Variants in SH3BP5 observed in about 807,000 individuals in gnomAD.
SH3BP5 encodes SH3 domain-binding protein 5.
Under a neutral mutation model 43.3 loss-of-function variants are expected in SH3BP5, and 22 were observed. That is an observed-to-expected ratio of 0.51 (90% confidence interval 0.36 to 0.73). The LOEUF (loss-of-function observed/expected upper bound fraction) is 0.73, where lower values mean the gene tolerates loss of function less well. Ranked by LOEUF, SH3BP5 falls within the 30% of genes least tolerant of loss-of-function variation. The pLI is 0.00. For missense variants in SH3BP5, 529 were observed against 586.9 expected, an observed-to-expected ratio of 0.90 and a Z score of 1.02; for synonymous variants, 255 against 225.8, an observed-to-expected ratio of 1.13 and a Z score of -1.16.
intron 3 of SH3BP5, among the ~76,000 whole-genome samples, chr3:15,293,629 C>A (rs1199107516): frequency 6.6e-6 from 1 of 152,188 alleles, no homozygotes; most frequent in Admixed American, 6.5e-5. Flanking sequence ...GAGTGTCTTT[C>A]AGATTTGCAA....
Position 15,304,091 on chromosome 3 carries a change from G to A in SH3BP5, c.330+12C>T, listed in dbSNP as rs1190559277. On this transcript the variant is annotated intron_variant, in intron 3 of 8. Transcript: ENST00000383791. Reference sequence around the variant, plus strand: ...GCTCGAGGTAGGGGAGACATCTATGGGGCTATCTTACCTGCCTCGCCACCC... The same window carrying A: ...GCTCGAGGTAGGGGAGACATCTATGAGGCTATCTTACCTGCCTCGCCACCC... 1.9e-6 allele frequency: 3 copies of A among 1,611,292 alleles called. No homozygotes were observed. Among genetic ancestry groups the A allele is most frequent in the African/African-American group, 1.3e-5 (1 of 74,848 alleles).
At chr3:15,321,305 G>A (rs375370514) in intron 2 of SH3BP5, among the ~76,000 whole-genome samples, 3 of 152,070 alleles carry the variant, frequency 2.0e-5, no homozygotes, top group African/African-American at 7.2e-5. Flanking sequence ...CTTGGCTGTA[G>A]AAGATCCTAA....
intron 3 of SH3BP5, chr3:15,271,751 C>G (rs749692522): frequency 2.0e-5 from 3 of 152,140 alleles, no homozygotes; most frequent in Non-Finnish European, 4.4e-5. Flanking sequence ...CACAGGGAAA[C>G]TTACAATTAT....
At chr3:15,287,070 TCA>T (rs1697285510) in intron 3 of SH3BP5, among the ~76,000 whole-genome samples, 1 of 152,176 alleles carries the variant, frequency 6.6e-6, no homozygotes, top group Non-Finnish European at 1.5e-5. Flanking sequence ...TCTCTGTGCC[TCA>T]GTTACCTCAC....
In SH3BP5 at chr3:15,332,577, CGGA is replaced by C; in HGVS notation, c.-172_-170del. The C allele has an allele frequency of 8.2e-7, 1 of 1,221,082 alleles. No homozygotes were observed. Among genetic ancestry groups the C allele is most frequent in the East Asian group, 3.5e-5 (1 of 28,518 alleles). 75.6% of individuals were successfully genotyped at this position (1,221,082 alleles called of 1,614,324 possible). A position where few individuals can be genotyped will look rare whatever the true frequency, so the allele number is the denominator to read the frequency against. ...CCGATGCGGATACCTCCGGCCGCGG[CGGA>C]GCAGAGGAAATGGGCGCGGCCGCCC... is the stretch of plus-strand genomic sequence containing the variant. On this transcript the variant is annotated 5_prime_UTR_variant, in exon 1 of 9. Coordinates refer to ENST00000383791, the MANE Select transcript of SH3BP5 (RefSeq NM_004844.5).
intron 2 of SH3BP5, among the ~76,000 whole-genome samples, chr3:15,324,006 C>T (rs1175933542): frequency 6.6e-6 from 1 of 152,210 alleles, no homozygotes; most frequent in African/African-American, 2.4e-5. Context: ...GATGGCCAAA[C>T]TTCAAGTCAG....
chr3:15,259,928 C>A, intron 5 of SH3BP5, 125 bp from the exon 6 acceptor site: 1 of 824,352 alleles, frequency 1.2e-6, no homozygotes. Flanking sequence ...TTAGTAAACT[C>A]TTAACAAGGC....
chr3:15,266,452 T>C (rs1466624900), intron 4 of SH3BP5, among the ~76,000 whole-genome samples: 1 of 152,234 alleles, frequency 6.6e-6, no homozygotes, highest in Non-Finnish European at 1.5e-5. Context: ...TCTTCCTCTG[T>C]CTGAGCTCTT....
intron 2 of SH3BP5, among the ~76,000 whole-genome samples, chr3:15,316,938 G>A (rs1271034118): frequency 6.6e-6 from 1 of 152,158 alleles, no homozygotes; most frequent in Non-Finnish European, 1.5e-5. Flanking sequence ...TTTCATTTAT[G>A]GCCAAACACA....
chr3:15,294,473 C>T (rs919862894), intron 3 of SH3BP5, among the ~76,000 whole-genome samples: 2 of 152,048 alleles, frequency 1.3e-5, no homozygotes, highest in Non-Finnish European at 1.5e-5. Flanking sequence ...AAACTGTCAC[C>T]GCCATACCAC....
At chr3:15,321,042 A>G (rs1698312583) in intron 2 of SH3BP5, among the ~76,000 whole-genome samples, 1 of 152,200 alleles carries the variant, frequency 6.6e-6, no homozygotes, top group Non-Finnish European at 1.5e-5. Flanking sequence ...TCAATATTAG[A>G]CAGCTATTTC....
chr3:15,327,216 A>G (rs1026435540), intron 2 of SH3BP5, among the ~76,000 whole-genome samples: 18 of 151,978 alleles, frequency 1.2e-4, no homozygotes, highest in Admixed American at 1.1e-3. Context: ...CCTGGCCAAC[A>G]TGGTGAAACC....
At chr3:15,290,116 C>G (rs1333937938) in intron 3 of SH3BP5, among the ~76,000 whole-genome samples, 1 of 152,076 alleles carries the variant, frequency 6.6e-6, no homozygotes, top group Non-Finnish European at 1.5e-5. Flanking sequence ...AAACCACTTC[C>G]TCAGGCCGGG....
At chr3:15,274,794 C>T (rs1696918123) in intron 3 of SH3BP5, among the ~76,000 whole-genome samples, 1 of 152,212 alleles carries the variant, frequency 6.6e-6, no homozygotes, top group East Asian at 1.9e-4. Flanking sequence ...GATCTACCTG[C>T]CTCGGCCTCC....
At chr3:15,261,022 TGCTCCTCGGCCTCC>T (rs1696417967) in intron 5 of SH3BP5, among the ~76,000 whole-genome samples, 1 of 152,218 alleles carries the variant, frequency 6.6e-6, no homozygotes, top group Non-Finnish European at 1.5e-5. Flanking sequence ...CATCAAAGGC[TGCTCCTCGGCCTCC>T]TTGGGTGTTG....
chr3:15,327,421 A>G (rs1698493076), intron 2 of SH3BP5, among the ~76,000 whole-genome samples: 3 of 151,840 alleles, frequency 2.0e-5, no homozygotes, highest in Admixed American at 1.3e-4. Context: ...AACAAAACAA[A>G]ACACTTGACT....
intron 2 of SH3BP5, among the ~76,000 whole-genome samples, chr3:15,313,985 C>G (rs999086007): frequency 6.6e-6 from 1 of 151,852 alleles, no homozygotes; most frequent in Non-Finnish European, 1.5e-5. Context: ...GCCTATAGTC[C>G]CAACTACATG....
intron 2 of SH3BP5, among the ~76,000 whole-genome samples, chr3:15,309,985 G>A (rs558410209): frequency 1.9e-4 from 27 of 142,798 alleles, no homozygotes; most frequent in Admixed American, 6.0e-4. Context: ...ACAGTTCCCA[G>A]AAGTATTGAG....
At chr3:15,289,499 T>C (rs932292722) in intron 3 of SH3BP5, among the ~76,000 whole-genome samples, 1 of 152,212 alleles carries the variant, frequency 6.6e-6, no homozygotes, top group African/African-American at 2.4e-5. Context: ...TCGGTTTCAG[T>C]GACCATGAAA....
Sources: allele counts gnomAD v4.1 joint callset (sites outside exome capture counted in the v4.1 genomes callset), GRCh38; gene constraint gnomAD v4.1.1; transcripts MANE v1.5; gene names NCBI Gene and HGNC (gene_info 2026-07-23, HGNC 2026-07-21).